Variants in GALNT17 observed in about 807,000 individuals in gnomAD.
GALNT17 encodes polypeptide N-acetylgalactosaminyltransferase 17, also known as UDP-GalNAc:polypeptide N-acetylgalactosaminyltransferase-like 3.
GALNT17 carries 29 observed loss-of-function variants against 63.7 expected under a neutral mutation model. The observed-to-expected ratio is 0.46, with a 90% CI of 0.34 to 0.62. The LOEUF (loss-of-function observed/expected upper bound fraction) is 0.62. Among genes scored for constraint, GALNT17 ranks in the 20% least tolerant of loss-of-function variants. The probability of loss-of-function intolerance (pLI) is 0.01; values close to 1 mark genes in which losing one functional copy is unlikely to be tolerated. For synonymous variants in GALNT17, 305 were observed against 318.3 expected (o/e 0.96, Z 0.45); for missense variants, 603 against 799.6 (o/e 0.75, Z 2.97).
intron 5 of GALNT17, among the ~76,000 whole-genome samples, chr7:71,551,048 T>A (rs1789068647): frequency 6.6e-6 from 1 of 152,164 alleles, no homozygotes; most frequent in Non-Finnish European, 1.5e-5. Context: ...TTCTAATATT[T>A]CTTCTGCCCT....
chr7:71,498,277 A>G (rs1788127481), intron 5 of GALNT17, among the ~76,000 whole-genome samples: 1 of 152,012 alleles, frequency 6.6e-6, no homozygotes, highest in Admixed American at 6.6e-5. Flanking sequence ...GGAGTTAGAG[A>G]CCAGCCTGGG....
chr7:71,433,596 T>C (rs1472447212), intron 5 of GALNT17, among the ~76,000 whole-genome samples: 1 of 152,196 alleles, frequency 6.6e-6, no homozygotes, highest in Non-Finnish European at 1.5e-5. Context: ...GTATCAATTA[T>C]TGGTTCACAA....
At chr7:71,463,146 G>A (rs1170416081) in intron 5 of GALNT17, among the ~76,000 whole-genome samples, 2 of 152,098 alleles carry the variant, frequency 1.3e-5, no homozygotes, top group Non-Finnish European at 2.9e-5. Flanking sequence ...GGGAGGGGAA[G>A]CATCTCTATA....
chr7:71,337,285 CATT>C (rs924099028), intron 2 of GALNT17, among the ~76,000 whole-genome samples: 1 of 151,876 alleles, frequency 6.6e-6, no homozygotes, highest in Non-Finnish European at 1.5e-5. Context: ...TTCAATTTTT[CATT>C]ATTATATATA....
At chr7:71,231,975 AGGTTCTCAGT>A (rs1049170150) in intron 1 of GALNT17, among the ~76,000 whole-genome samples, 4 of 152,092 alleles carry the variant, frequency 2.6e-5, no homozygotes, top group African/African-American at 7.2e-5. Flanking sequence ...TTGGGGAAGT[AGGTTCTCAGT>A]GGCTCCTCTC....
At chr7:71,307,062 G>A (rs1226251949) in intron 1 of GALNT17, among the ~76,000 whole-genome samples, 1 of 152,092 alleles carries the variant, frequency 6.6e-6, no homozygotes, top group Non-Finnish European at 1.5e-5. Flanking sequence ...GACCTCAAGT[G>A]ATCTGCCCAC....
At chr7:71,572,707 C>T (rs1789469109) in intron 6 of GALNT17, among the ~76,000 whole-genome samples, 1 of 152,026 alleles carries the variant, frequency 6.6e-6, no homozygotes, top group African/African-American at 2.4e-5. Flanking sequence ...GTCTACAATA[C>T]CATATCATTA....
intron 1 of GALNT17, among the ~76,000 whole-genome samples, chr7:71,290,205 A>G (rs2115811900): frequency 6.6e-6 from 1 of 152,344 alleles, no homozygotes; most frequent in East Asian, 1.9e-4. Context: ...ACCTATTAGC[A>G]GTCAAATATA....
At chr7:71,354,751 C>T (rs1792251970) in intron 2 of GALNT17, among the ~76,000 whole-genome samples, 1 of 152,140 alleles carries the variant, frequency 6.6e-6, no homozygotes. Context: ...TCCTCTGGAA[C>T]AATTTATGGA....
intron 1 of GALNT17, among the ~76,000 whole-genome samples, chr7:71,296,914 C>T (rs185975572): frequency 2.8e-4 from 43 of 152,294 alleles, no homozygotes; most frequent in Non-Finnish European, 4.6e-4. Flanking sequence ...TGCGTGAACA[C>T]GCCATGCCAG....
chr7:71,424,662 T>C (rs1286985726), intron 5 of GALNT17, among the ~76,000 whole-genome samples: 1 of 152,250 alleles, frequency 6.6e-6, no homozygotes, highest in Non-Finnish European at 1.5e-5. Context: ...TACGGAATGC[T>C]TAATTTGTTA....
At chr7:71,709,030 A>G (rs1483209057) in intron 9 of GALNT17, among the ~76,000 whole-genome samples, 1 of 152,198 alleles carries the variant, frequency 6.6e-6, no homozygotes, top group Non-Finnish European at 1.5e-5. Flanking sequence ...GTGTAAGTGC[A>G]TGTGTCTTTT....
intron 6 of GALNT17, among the ~76,000 whole-genome samples, chr7:71,574,571 A>G (rs571664916): frequency 9.8e-5 from 15 of 152,292 alleles, no homozygotes; most frequent in African/African-American, 3.4e-4. Flanking sequence ...GCCAGTTCTT[A>G]AAGTGGGATT....
intron 6 of GALNT17, among the ~76,000 whole-genome samples, chr7:71,587,176 C>A (rs958903093): frequency 6.6e-6 from 1 of 152,134 alleles, no homozygotes; most frequent in African/African-American, 2.4e-5. Flanking sequence ...TATAGGCGCA[C>A]ACCACCACAC....
intron 2 of GALNT17, among the ~76,000 whole-genome samples, chr7:71,376,422 GTTGTTTTTTTT>G (rs1563046497): frequency 3.1e-5 from 2 of 63,588 alleles, no homozygotes; most frequent in Middle Eastern, 0.011. Context: ...AAGGTTTGGA[GTTGTTTTTTTT>G]TTTTTTTTTT....
At chr7:71,140,108 C>T (rs796492165) in intron 1 of GALNT17, among the ~76,000 whole-genome samples, 16 of 152,328 alleles carry the variant, frequency 1.1e-4, no homozygotes, top group African/African-American at 3.8e-4. Flanking sequence ...TTTCTTCTTT[C>T]TTGCAGCCCA....
intron 6 of GALNT17, among the ~76,000 whole-genome samples, chr7:71,625,213 C>T (rs1009967946): frequency 9.2e-5 from 14 of 152,000 alleles, no homozygotes; most frequent in Non-Finnish European, 1.8e-4. Context: ...AGCACGATCT[C>T]GGCTCACTGC....
chr7:71,182,886 G>A (rs1562892664), intron 1 of GALNT17, among the ~76,000 whole-genome samples: 1 of 152,170 alleles, frequency 6.6e-6, no homozygotes, highest in Non-Finnish European at 1.5e-5. Flanking sequence ...CTGCTGTTTG[G>A]ACTCAAAAGA....
chr7:71,540,418 A>G (rs1256257999), intron 5 of GALNT17, among the ~76,000 whole-genome samples: 1 of 151,596 alleles, frequency 6.6e-6, no homozygotes, highest in Non-Finnish European at 1.5e-5. Context: ...TGTCTGGTCC[A>G]TGCCTGGCCT....
Sources: allele counts gnomAD v4.1 joint callset (sites outside exome capture counted in the v4.1 genomes callset), GRCh38; gene constraint gnomAD v4.1.1; transcripts MANE v1.5; gene names NCBI Gene and HGNC (gene_info 2026-07-23, HGNC 2026-07-21).